PTPRN2: variants seen among roughly 807,000 people sequenced by gnomAD.
The protein encoded by PTPRN2 is protein tyrosine phosphatase receptor type N2.
Under a neutral mutation model 118.8 loss-of-function variants are expected in PTPRN2, and 74 were observed. That is an observed-to-expected ratio of 0.62 (90% confidence interval 0.52 to 0.76). The LOEUF (loss-of-function observed/expected upper bound fraction) is 0.76, where lower values mean the gene tolerates loss of function less well. PTPRN2 is among the 30% of genes least tolerant of loss of function. The pLI, the probability that PTPRN2 is intolerant of heterozygous loss-of-function variation, is 0.00. For synonymous variants in PTPRN2, 641 were observed against 608.0 expected (o/e 1.05, Z -0.80); for missense variants, 1,481 against 1,394.4 (o/e 1.06, Z -0.99).
chr7:158,517,967 C>G lies in PTPRN2; in HGVS notation c.113-28182G>C, dbSNP rs992972406. ...TTGCACCTTGCTTCCTCCAAGAGGG[C>G]TCCCTAATTCCTGACCGGGCGGGGC... On this transcript the variant is annotated intron_variant, in intron 1 of 22. Coordinates refer to ENST00000389418, the MANE Select transcript of PTPRN2 (RefSeq NM_002847.5). This position sits in a 1 kb window ranked among gnomAD's most constrained non-coding sequence, Gnocchi z 5.3. Among the ~76,000 whole-genome samples, 4 of 152,226 alleles carry G rather than the reference C, an allele frequency of 2.6e-5. No individual in the cohort carries two copies. Among genetic ancestry groups the G allele is most frequent in the Non-Finnish European group, 5.9e-5 (4 of 68,040 alleles).
intron 3 of PTPRN2, among the ~76,000 whole-genome samples, chr7:158,280,212 A>G (rs1435313548): frequency 6.6e-6 from 1 of 152,210 alleles, no homozygotes; most frequent in Non-Finnish European, 1.5e-5. Flanking sequence ...ACAGCCTTCA[A>G]GCACATCTGG....
At chr7:157,556,308 AAAC>A (rs148067137) in intron 21 of PTPRN2, among the ~76,000 whole-genome samples, 68,780 of 145,414 alleles carry the variant, frequency 0.47, 16,488 homozygotes, top group South Asian at 0.69. Flanking sequence ...GCACACACCC[AAAC>A]AACACACACA....
chr7:158,351,723 C>T (rs1807952641), intron 2 of PTPRN2, among the ~76,000 whole-genome samples: 1 of 152,100 alleles, frequency 6.6e-6, no homozygotes, highest in South Asian at 2.1e-4. Context: ...GTCACGGCCC[C>T]ACGGGAGGAG....
intron 1 of PTPRN2, among the ~76,000 whole-genome samples, chr7:158,503,357 G>A (rs1203339778): frequency 6.6e-6 from 1 of 152,242 alleles, no homozygotes; most frequent in Non-Finnish European, 1.5e-5. Context: ...CCTCACAGCT[G>A]TGTACCATGT....
Position 157,831,516 on chromosome 7 carries a change from C to T in PTPRN2, c.1788+67157G>A, listed in dbSNP as rs114212356. Among the ~76,000 whole-genome samples the T allele has an allele frequency of 0.011, 1,600 of 152,194 alleles. 27 individuals carry two copies. The highest frequency in any genetic ancestry group is 0.036 in the African/African-American group (1,475 of 41,528). On this transcript the variant is annotated intron_variant, in intron 12 of 22. Coordinates refer to ENST00000389418, the MANE Select transcript of PTPRN2 (RefSeq NM_002847.5). This position sits in a 1 kb window ranked among gnomAD's most constrained non-coding sequence, Gnocchi z 4.8. ...TGCCCTCCCCATCCCTGTCCACGGC[C>T]CCTCTCACCCTGCAGTACTGAGCAG...
In PTPRN2 at chr7:158,071,400, GTGGTGGAGTTGCTCC is replaced by G. The variant is rs1361086321; in HGVS notation, c.1723+9883_1723+9897del. The stretch of plus-strand genomic sequence containing the variant: ...GGAGGTGCTCGTGGTGGAGGTGCTC[GTGGTGGAGTTGCTCC>G]TGGTGGTGGAGGTGCTCGTGGTGGT... On this transcript the variant is annotated intron_variant, in intron 11 of 22. Transcript: ENST00000389418. Among the ~76,000 whole-genome samples, 260 of 47,854 alleles carry G rather than the reference GTGGTGGAGTTGCTCC, an allele frequency of 5.4e-3. 8 individuals are homozygous for G. The highest frequency in any genetic ancestry group is 0.012 in the Middle Eastern group (1 of 84). The allele number at this position is 47,854 out of a possible 152,430, so 31.4% of individuals were successfully genotyped here.
intron 12 of PTPRN2, among the ~76,000 whole-genome samples, chr7:157,691,079 C>CA (rs936233872): frequency 5.6e-5 from 7 of 124,776 alleles, no homozygotes; most frequent in East Asian, 4.4e-4. Flanking sequence ...CCCCCCCCCC[C>CA]CCACATGTTG....
intron 3 of PTPRN2, among the ~76,000 whole-genome samples, chr7:158,220,876 G>A (rs1828309530): frequency 6.7e-6 from 1 of 148,932 alleles, no homozygotes. Flanking sequence ...AAATTCATAT[G>A]GATCCAAAAA....
At chr7:158,301,803 A>T (rs1800910694) in intron 3 of PTPRN2, among the ~76,000 whole-genome samples, 1 of 152,122 alleles carries the variant, frequency 6.6e-6, no homozygotes, top group African/African-American at 2.4e-5. Context: ...TACGAAAATT[A>T]GCTGGGCATG....
At chr7:157,847,019 C>G in intron 12 of PTPRN2, among the ~76,000 whole-genome samples, 1 of 151,114 alleles carries the variant, frequency 6.6e-6, no homozygotes, top group African/African-American at 2.4e-5. Flanking sequence ...AGCCCTCCCT[C>G]ACTACATCAT....
chr7:157,661,219 AG>A (rs1795869946), intron 13 of PTPRN2, among the ~76,000 whole-genome samples: 1 of 152,266 alleles, frequency 6.6e-6, no homozygotes, highest in Admixed American at 6.5e-5. Flanking sequence ...TGCGCAGCGC[AG>A]GGTCTTCTTG....
intron 14 of PTPRN2, among the ~76,000 whole-genome samples, chr7:157,638,544 TGGA>T (rs1473780194): frequency 6.6e-6 from 1 of 152,244 alleles, no homozygotes; most frequent in African/African-American, 2.4e-5. Context: ...ACGAGGAGTT[TGGA>T]GGAGAAGAGA....
chr7:158,283,739 G>A (rs1024902092), intron 3 of PTPRN2, among the ~76,000 whole-genome samples: 2 of 152,110 alleles, frequency 1.3e-5, no homozygotes, highest in African/African-American at 2.4e-5. Context: ...GGCAGCCACA[G>A]AGACAGGCCA....
intron 2 of PTPRN2, among the ~76,000 whole-genome samples, chr7:158,450,844 GC>G (rs1277825988): frequency 2.0e-5 from 3 of 152,236 alleles, no homozygotes; most frequent in Non-Finnish European, 1.5e-5. Context: ...GCGTACGTGT[GC>G]TTCTGCTGCG....
At chr7:157,678,129 A>T (rs545240029) in intron 13 of PTPRN2, among the ~76,000 whole-genome samples, 1 of 152,342 alleles carries the variant, frequency 6.6e-6, no homozygotes, top group East Asian at 1.9e-4. Context: ...TTGTATTTTT[A>T]TACTTGTAAA....
At chr7:158,061,562 T>A (rs1369973867) in intron 11 of PTPRN2, among the ~76,000 whole-genome samples, 1 of 152,192 alleles carries the variant, frequency 6.6e-6, no homozygotes, top group Non-Finnish European at 1.5e-5. Context: ...ACAGTCGTGG[T>A]GGCAAAGTGG....
At chr7:158,070,360 C>A (rs1323273548) in intron 11 of PTPRN2, among the ~76,000 whole-genome samples, 1 of 115,122 alleles carries the variant, frequency 8.7e-6, no homozygotes, top group South Asian at 3.0e-4. Context: ...TGGAGGTGCC[C>A]CTGGTGGTGG....
chr7:158,301,918 C>G (rs2151048846), intron 3 of PTPRN2, among the ~76,000 whole-genome samples: 1 of 152,294 alleles, frequency 6.6e-6, no homozygotes, highest in South Asian at 2.1e-4. Context: ...CCGCTGTATT[C>G]CAGCCTGGGC....
At chr7:158,389,303 G>A (rs1328464815) in intron 2 of PTPRN2, among the ~76,000 whole-genome samples, 2 of 152,248 alleles carry the variant, frequency 1.3e-5, no homozygotes, top group South Asian at 2.1e-4. Context: ...TGGAGGACAC[G>A]CAGCCGTGTC....
Sources: gnomAD v4.1 joint callset for allele counts (sites outside exome capture counted in the v4.1 genomes callset) on GRCh38, gnomAD v4.1.1 for gene constraint, Gnocchi (gnomAD v3.1) non-coding constraint, MANE v1.5 for transcripts, NCBI Gene and HGNC (gene_info 2026-07-23, HGNC 2026-07-21) for gene names.